Variants in ACACA observed in about 807,000 individuals in gnomAD.
ACACA encodes the protein acetyl-CoA carboxylase 1.
ACACA carries 103 observed loss-of-function variants against 296.1 expected under a neutral mutation model. That is an observed-to-expected ratio of 0.35 (90% CI 0.30 to 0.41). ACACA has a LOEUF of 0.41. Ranked by LOEUF, ACACA falls within the 10% of genes least tolerant of loss-of-function variation. ACACA has a pLI of 1.00. For synonymous variants in ACACA, 953 were observed against 1,038.6 expected, an observed-to-expected ratio of 0.92 and a Z score of 1.58; for missense variants, 1,554 against 2,989.7, an observed-to-expected ratio of 0.52 and a Z score of 11.20.
At chr17:37,398,926 A>T (rs1428659720) in intron 1 of ACACA, among the ~76,000 whole-genome samples, 2 of 148,504 alleles carry the variant, frequency 1.3e-5, no homozygotes, top group Non-Finnish European at 3.0e-5. Context: ...AGACATTATT[A>T]TTTTCATTTT....
intron 29 of ACACA, among the ~76,000 whole-genome samples, chr17:37,210,748 T>C (rs1328247303): frequency 1.5e-5 from 1 of 65,120 alleles, no homozygotes; most frequent in African/African-American, 7.7e-5. Context: ...ATAGCTCTAT[T>C]ACCAAAAAAA....
At chr17:37,157,249 A>G (rs576873729) in intron 42 of ACACA, among the ~76,000 whole-genome samples, 5 of 152,322 alleles carry the variant, frequency 3.3e-5, no homozygotes, top group East Asian at 1.9e-4. Flanking sequence ...CTGAGGAAAA[A>G]GCATTCTAGG....
At position 37,111,550 on chromosome 17, in the gene ACACA, G is replaced by A; in HGVS notation, c.6546C>T (p.Ile2182=). 2 of 1,613,960 alleles carry A rather than the reference G, an allele frequency of 1.2e-6. No individual in the cohort carries two copies. The highest frequency in any genetic ancestry group is 1.7e-6 in the Non-Finnish European group (2 of 1,179,810). ...ACATACCCAATCGCTCAGCCAAGTG[G>A]ATGTAGACTGGGTCCACCCGACGCA... ...KTMRRVDPVY[I]HLAERLGTPE... The change falls in exon 52 of 56, where the codon ATC becomes ATT. Residue 2182 remains isoleucine (I), a synonymous_variant. Coordinates refer to ENST00000616317, the MANE Select transcript of ACACA (RefSeq NM_198834.3).
intron 1 of ACACA, among the ~76,000 whole-genome samples, chr17:37,399,811 T>C (rs1045383963): frequency 1.3e-5 from 2 of 152,184 alleles, no homozygotes; most frequent in African/African-American, 4.8e-5. Context: ...AGAGTCAGTT[T>C]ATTAGTTATA....
chr17:37,241,186 C>T (rs1481329771), intron 23 of ACACA, among the ~76,000 whole-genome samples: 2 of 151,450 alleles, frequency 1.3e-5, no homozygotes, highest in East Asian at 1.9e-4. Context: ...CAGTGTGAGA[C>T]CCTGTCTCCA....
intron 1 of ACACA, among the ~76,000 whole-genome samples, chr17:37,400,177 T>G (rs1285595465): frequency 6.6e-6 from 1 of 152,160 alleles, no homozygotes; most frequent in Non-Finnish European, 1.5e-5. Flanking sequence ...TGGAGTGCAG[T>G]GATGCAATCT....
At chr17:37,108,978 T>TAA in intron 52 of ACACA, among the ~76,000 whole-genome samples, 1 of 152,248 alleles carries the variant, frequency 6.6e-6, no homozygotes, top group East Asian at 1.9e-4. Flanking sequence ...TTCTGGACTC[T>TAA]GATGTACATT....
chr17:37,263,619 G>C, intron 11 of ACACA, 66 bp downstream of exon 11: 2 of 1,311,624 alleles, frequency 1.5e-6, no homozygotes, highest in Non-Finnish European at 2.2e-6. Context: ...TCTCAGATTG[G>C]TACATGAACT....
chr17:37,202,688 T>C (rs112525891), intron 33 of ACACA, among the ~76,000 whole-genome samples: 2 of 19,826 alleles, frequency 1.0e-4, no homozygotes, highest in Admixed American at 6.8e-4. Flanking sequence ...TATATATATA[T>C]ATATATATAT....
chr17:37,236,228 T>C (rs74624383), intron 24 of ACACA, among the ~76,000 whole-genome samples: 3,374 of 152,234 alleles, frequency 0.022, 119 homozygotes, highest in African/African-American at 0.077. Flanking sequence ...TTTTTCCAAA[T>C]AAAATTATAT....
chr17:37,397,090 A>G (rs1325643379), intron 1 of ACACA, among the ~76,000 whole-genome samples: 1 of 134,896 alleles, frequency 7.4e-6, no homozygotes, highest in African/African-American at 2.9e-5. Context: ...CCCTGTGTCC[A>G]AGTGTTCTCA....
At chr17:37,227,733 G>A (rs1032278119) in intron 25 of ACACA, among the ~76,000 whole-genome samples, 11 of 151,634 alleles carry the variant, frequency 7.3e-5, no homozygotes, top group African/African-American at 1.5e-4. Context: ...GGTGGCGGGC[G>A]CCTGTAGTCC....
chr17:37,349,837 G>A (rs2048814943), intron 1 of ACACA, among the ~76,000 whole-genome samples: 1 of 152,008 alleles, frequency 6.6e-6, no homozygotes, highest in African/African-American at 2.4e-5. Context: ...GGGATTACAG[G>A]CATGAGCCAC....
At chr17:37,391,657 A>G (rs775244197) in intron 1 of ACACA, 1 of 1,613,854 alleles carries the variant, frequency 6.2e-7, no homozygotes, top group Non-Finnish European at 8.5e-7. Flanking sequence ...GTTGGACAAG[A>G]TGCTGCCAAT....
At chr17:37,260,286 ATATATATATATTTTTTTTTTT>A (rs1303634064) in intron 11 of ACACA, among the ~76,000 whole-genome samples, 16 of 30,896 alleles carry the variant, frequency 5.2e-4, no homozygotes, top group African/African-American at 2.2e-3. Flanking sequence ...ATATATATAT[ATATATATATATTTTTTTTTTT>A]TTTTTTTTTG....
chr17:37,158,045 T>C (rs867296115), intron 42 of ACACA, among the ~76,000 whole-genome samples: 1 of 152,170 alleles, frequency 6.6e-6, no homozygotes, highest in South Asian at 2.1e-4. Flanking sequence ...GATTTACTGT[T>C]TAGATGGATG....
intron 3 of ACACA, among the ~76,000 whole-genome samples, chr17:37,286,037 G>A (rs1369128770): frequency 1.3e-5 from 2 of 151,978 alleles, no homozygotes; most frequent in Non-Finnish European, 2.9e-5. Flanking sequence ...GACTGTAGGC[G>A]CGCCACCACA....
At position 37,111,604 on chromosome 17, in the gene ACACA, T is replaced by C; in HGVS notation, c.6492A>G (p.Lys2164=). 6.2e-7 allele frequency: 1 copy of C among 1,614,180 alleles called. No individual in the cohort carries two copies. Among genetic ancestry groups the C allele is most frequent in the Non-Finnish European group, 8.5e-7 (1 of 1,180,026 alleles). ...TTTTCACCAGATCCTTTCTGCGGAA[T>C]TTGATTTCTACTGTCCCTTCTGGCT... ...VLEPEGTVEI[K]FRRKDLVKTM... The change falls in exon 52 of 56, where the codon AAA becomes AAG. Residue 2164 remains lysine, a synonymous_variant. Transcript: ENST00000616317.
intron 35 of ACACA, among the ~76,000 whole-genome samples, chr17:37,199,701 A>T (rs2078160040): frequency 1.3e-5 from 2 of 152,178 alleles, no homozygotes; most frequent in South Asian, 4.1e-4. Context: ...GTCCTTGATT[A>T]TTGATTCACT....
Sources: allele counts gnomAD v4.1 joint callset (sites outside exome capture counted in the v4.1 genomes callset), GRCh38; gene constraint gnomAD v4.1.1; transcripts MANE v1.5; gene names NCBI Gene and HGNC (gene_info 2026-07-23, HGNC 2026-07-21).